The following GRIK1 variants were observed in gnomAD, a reference collection of about 807,000 sequenced individuals.
GRIK1 encodes glutamate ionotropic receptor kainate type subunit 1, also known as glutamate receptor ionotropic, kainate 1.
GRIK1 carries 69 observed loss-of-function variants against 105.7 expected under a neutral mutation model. The observed-to-expected ratio is 0.65, with a 90% confidence interval of 0.54 to 0.80. The LOEUF is 0.80. Ranked by LOEUF, GRIK1 falls within the 30% of genes least tolerant of loss-of-function variation. GRIK1 has a pLI of 0.00. For synonymous variants in GRIK1, 438 were observed against 431.3 expected (o/e 1.02, Z -0.19); for missense variants, 1,109 against 1,167.3 (o/e 0.95, Z 0.73).
At chr21:29,666,054 A>C (rs772704992) in intron 4 of GRIK1, among the ~76,000 whole-genome samples, 15 of 152,216 alleles carry the variant, frequency 9.9e-5, no homozygotes, top group Non-Finnish European at 1.9e-4. Flanking sequence ...ACTGGCAGGA[A>C]CATACCTATA....
At position 29,541,575 on chromosome 21, in the gene GRIK1, C is replaced by CTTTTTTTTTTTTTTTTTTTT. The variant is rs34910439; in HGVS notation, c.2608-3711_2608-3692dup. Among the ~76,000 whole-genome samples the CTTTTTTTTTTTTTTTTTTTT allele has an allele frequency of 2.8e-3, 272 of 95,932 alleles. 24 individuals are homozygous for CTTTTTTTTTTTTTTTTTTTT. Among genetic ancestry groups the CTTTTTTTTTTTTTTTTTTTT allele is most frequent in the Middle Eastern group, 0.011 (2 of 182 alleles). The allele number at this position is 95,932 out of a possible 152,430, so 62.9% of individuals were successfully genotyped here. ...CTATGCCATTCATTGCACTCACGGT[C>CTTTTTTTTTTTTTTTTTTTT]TTTTTTTTTTTTTTTTTTTTTGTGG... On this transcript the variant is annotated intron_variant, in intron 16 of 17. Transcript: ENST00000327783.
chr21:29,847,785 G>A (rs992189236), intron 1 of GRIK1, among the ~76,000 whole-genome samples: 6 of 151,930 alleles, frequency 3.9e-5, no homozygotes, highest in African/African-American at 1.5e-4. Context: ...TGGTTGCATC[G>A]GGATGCTGGA....
intron 1 of GRIK1, among the ~76,000 whole-genome samples, chr21:29,918,867 T>A (rs1310807789): frequency 6.6e-6 from 1 of 152,056 alleles, no homozygotes; most frequent in African/African-American, 2.4e-5. Flanking sequence ...ATCCAGCCTC[T>A]GTCTAGGTCA....
At chr21:29,898,305 C>T (rs544398359) in intron 1 of GRIK1, among the ~76,000 whole-genome samples, 2 of 152,322 alleles carry the variant, frequency 1.3e-5, no homozygotes, top group East Asian at 1.9e-4. Context: ...CTAAGTGCTA[C>T]GATGCCCTCG....
chr21:29,557,266 G>T (rs2090280740), intron 15 of GRIK1, among the ~76,000 whole-genome samples: 1 of 152,038 alleles, frequency 6.6e-6, no homozygotes, highest in African/African-American at 2.4e-5. Flanking sequence ...TTTCTTGGTG[G>T]AAGCACATTG....
intron 7 of GRIK1, among the ~76,000 whole-genome samples, chr21:29,600,962 A>G (rs1218268360): frequency 6.6e-6 from 1 of 152,240 alleles, no homozygotes; most frequent in Non-Finnish European, 1.5e-5. Flanking sequence ...CCTACAAATT[A>G]GTCTAAACCT....
intron 1 of GRIK1, among the ~76,000 whole-genome samples, chr21:29,881,315 C>T (rs1009034041): frequency 2.0e-5 from 3 of 151,958 alleles, no homozygotes; most frequent in African/African-American, 4.8e-5. Context: ...TGTAATCATG[C>T]TTATTGAAGA....
chr21:29,574,842 C>G (rs1193040705), intron 14 of GRIK1, among the ~76,000 whole-genome samples: 3 of 151,610 alleles, frequency 2.0e-5, no homozygotes, highest in Non-Finnish European at 2.9e-5. Flanking sequence ...CGCCCGCCAT[C>G]ACGCCCGGCT....
At chr21:29,567,581 A>T (rs2090640534) in intron 14 of GRIK1, among the ~76,000 whole-genome samples, 1 of 152,140 alleles carries the variant, frequency 6.6e-6, no homozygotes, top group Admixed American at 6.5e-5. Flanking sequence ...ATAAATGTAA[A>T]TATATGCATA....
intron 3 of GRIK1, among the ~76,000 whole-genome samples, chr21:29,685,337 G>A (rs2063468580): frequency 6.6e-6 from 1 of 151,964 alleles, no homozygotes; most frequent in African/African-American, 2.4e-5. Context: ...ATAAACTTTG[G>A]GCCAGTTTAG....
At chr21:29,806,612 G>A (rs1198292772) in intron 1 of GRIK1, among the ~76,000 whole-genome samples, 1 of 152,008 alleles carries the variant, frequency 6.6e-6, no homozygotes, top group Non-Finnish European at 1.5e-5. Flanking sequence ...CTAGGTAGGG[G>A]CCTTTTAAGA....
In GRIK1 at chr21:29,673,734, GTTAAC is replaced by G. The variant is rs1212012199; in HGVS notation, c.545-575_545-571del. Among the ~76,000 whole-genome samples the G allele has an allele frequency of 9.9e-5, 15 of 152,234 alleles. No homozygotes were observed. The East Asian group carries it at 2.9e-3, about 29-fold the overall frequency. On this transcript the variant is annotated intron_variant, in intron 3 of 17. Transcript: ENST00000327783. ...CATTTTCTTGCTAATATATTTGAATGTTAACTTGGAAAATCCTACTTGATTTTTTA... is the reference window on the plus strand; with the variant it reads ...CATTTTCTTGCTAATATATTTGAATGTTGGAAAATCCTACTTGATTTTTTA...
intron 1 of GRIK1, among the ~76,000 whole-genome samples, chr21:29,751,995 G>T (rs1164818475): frequency 6.6e-6 from 1 of 152,176 alleles, no homozygotes; most frequent in African/African-American, 2.4e-5. Flanking sequence ...AGCATATGTT[G>T]TCTCAGTATA....
chr21:29,714,402 T>C (rs1202397788), intron 1 of GRIK1, among the ~76,000 whole-genome samples: 7 of 152,156 alleles, frequency 4.6e-5, no homozygotes. Context: ...AGAAAAGAAA[T>C]ACAATGTGTA....
At chr21:29,841,886 C>G (rs913905516) in intron 1 of GRIK1, among the ~76,000 whole-genome samples, 2 of 152,176 alleles carry the variant, frequency 1.3e-5, no homozygotes, top group African/African-American at 4.8e-5. Flanking sequence ...CCTACCTTCA[C>G]CCAGCTACAA....
At chr21:29,566,835 G>C (rs942813872) in intron 14 of GRIK1, among the ~76,000 whole-genome samples, 1 of 152,182 alleles carries the variant, frequency 6.6e-6, no homozygotes, top group Non-Finnish European at 1.5e-5. Context: ...ACCAGGATTT[G>C]ATCCCAGTAA....
chr21:29,604,411 T>C (rs1283777016), intron 7 of GRIK1, among the ~76,000 whole-genome samples: 1 of 152,186 alleles, frequency 6.6e-6, no homozygotes, highest in East Asian at 1.9e-4. Context: ...ATTAGCTGCA[T>C]TTCTGTATAT....
chr21:29,591,671 C>T (rs1190328747), intron 9 of GRIK1, among the ~76,000 whole-genome samples: 1 of 152,004 alleles, frequency 6.6e-6, no homozygotes, highest in Admixed American at 6.6e-5. Context: ...CCTTAGGCTG[C>T]CAAAGTAGTA....
chr21:29,879,118 T>G (rs1224143492), intron 1 of GRIK1, among the ~76,000 whole-genome samples: 1 of 152,098 alleles, frequency 6.6e-6, no homozygotes, highest in Non-Finnish European at 1.5e-5. Flanking sequence ...TCTAAGCTTG[T>G]CAATCCTGTT....
Sources: gnomAD v4.1 joint callset for allele counts (sites outside exome capture counted in the v4.1 genomes callset) on GRCh38, gnomAD v4.1.1 for gene constraint, MANE v1.5 for transcripts, NCBI Gene and HGNC (gene_info 2026-07-23, HGNC 2026-07-21) for gene names.